CALCRL: variants seen among roughly 807,000 people sequenced by gnomAD.
The protein encoded by CALCRL is calcitonin gene-related peptide type 1 receptor.
Under a neutral mutation model 60.4 loss-of-function variants are expected in CALCRL, and 27 were observed. That is an observed-to-expected ratio of 0.45 (90% CI 0.33 to 0.62). The LOEUF is 0.62. CALCRL is among the 20% of genes least tolerant of loss of function. The probability of loss-of-function intolerance (pLI) is 0.03; values close to 1 mark genes in which losing one functional copy is unlikely to be tolerated. For missense variants in CALCRL, 424 were observed against 540.7 expected, an observed-to-expected ratio of 0.78 and a Z score of 2.14; for synonymous variants, 190 against 182.6, an observed-to-expected ratio of 1.04 and a Z score of -0.33.
At chr2:187,442,073 TATATATATA>T (rs1690931381) in intron 1 of CALCRL, 1 of 3,988 alleles carries the variant, frequency 2.5e-4, no homozygotes, top group Non-Finnish European at 5.8e-4. Context: ...AAAAACATTA[TATATATATA>T]TATATATATA....
chr2:187,383,291 T>G lies in CALCRL; in HGVS notation c.66A>C (p.Ala22=). Residue 22 remains alanine, a synonymous_variant, in exon 5 of 15, where the codon GCA becomes GCC. Transcript: ENST00000392370. Reference sequence around the variant, plus strand: ...AGTCCTCAGGACTCTCTTCTAATTCTGCTGTAACAAGAATCTAAGGGATTA... The same window carrying G: ...AGTCCTCAGGACTCTCTTCTAATTCGGCTGTAACAAGAATCTAAGGGATTA... ...LLPFFMILVT[A]ELEESPEDSI... 6.2e-7 allele frequency: 1 copy of G among 1,600,242 alleles called. No individual in the cohort carries two copies. The highest frequency in any genetic ancestry group is 8.5e-7 in the Non-Finnish European group (1 of 1,175,646).
At chr2:187,414,590 T>G (rs1689516032) in intron 1 of CALCRL, among the ~76,000 whole-genome samples, 1 of 152,152 alleles carries the variant, frequency 6.6e-6, no homozygotes, top group South Asian at 2.1e-4. Flanking sequence ...AGTATATATG[T>G]GAATCTTGGC....
intron 1 of CALCRL, among the ~76,000 whole-genome samples, chr2:187,414,763 T>G (rs1426487459): frequency 6.6e-6 from 1 of 152,090 alleles, no homozygotes; most frequent in East Asian, 1.9e-4. Context: ...AATGTGAAAC[T>G]GGACTAAGAA....
At chr2:187,376,175 C>T (rs1318882913) in intron 8 of CALCRL, among the ~76,000 whole-genome samples, 1 of 152,182 alleles carries the variant, frequency 6.6e-6, no homozygotes, top group Non-Finnish European at 1.5e-5. Context: ...AAGCCATCTA[C>T]TTCAACTTTC....
rs1686232329 is a variant in CALCRL at position 187,345,364 on chromosome 2, A to G, written c.*820T>C. The G allele has an allele frequency of 6.6e-6, 1 of 152,276 alleles. No individual in the cohort carries two copies. Among genetic ancestry groups the G allele is most frequent in the African/African-American group, 2.4e-5 (1 of 41,404 alleles). The allele number at this position is 152,276 out of a possible 1,614,324, so 9.4% of individuals were successfully genotyped here. On this transcript the variant is annotated 3_prime_UTR_variant, in exon 15 of 15. Coordinates refer to ENST00000392370, the MANE Select transcript of CALCRL (RefSeq NM_005795.6). The stretch of plus-strand genomic sequence containing the variant: ...TTGCTAATTTGTTTATACAGTAGAA[A>G]TGGAAGGGACAAAATTTATATTTAC...
intron 1 of CALCRL, among the ~76,000 whole-genome samples, chr2:187,439,248 C>T (rs1408482048): frequency 1.3e-5 from 2 of 152,042 alleles, no homozygotes; most frequent in African/African-American, 4.8e-5. Flanking sequence ...TTTGGGAGGC[C>T]AGACTGGGCG....
intron 8 of CALCRL, among the ~76,000 whole-genome samples, chr2:187,372,825 G>T (rs966974053): frequency 2.0e-5 from 3 of 152,228 alleles, no homozygotes; most frequent in African/African-American, 7.2e-5. Flanking sequence ...ATTGTTTTCA[G>T]GTTAGTTGGA....
At chr2:187,415,303 G>A (rs1438204993) in intron 1 of CALCRL, among the ~76,000 whole-genome samples, 1 of 152,146 alleles carries the variant, frequency 6.6e-6, no homozygotes. Flanking sequence ...AACGGGTTTT[G>A]AAAGAACATT....
intron 1 of CALCRL, among the ~76,000 whole-genome samples, chr2:187,418,531 C>T (rs1350108193): frequency 2.6e-5 from 4 of 151,892 alleles, no homozygotes; most frequent in Non-Finnish European, 5.9e-5. Context: ...TCTTAAATAT[C>T]GACTTCTATT....
chr2:187,398,004 C>A (rs16828975), intron 1 of CALCRL, among the ~76,000 whole-genome samples: 1 of 151,566 alleles, frequency 6.6e-6, no homozygotes, highest in African/African-American at 2.4e-5. Flanking sequence ...TACTTACTCA[C>A]GGGACTGATT....
intron 1 of CALCRL, among the ~76,000 whole-genome samples, chr2:187,422,314 A>G (rs1689910871): frequency 6.6e-6 from 1 of 152,218 alleles, no homozygotes; most frequent in African/African-American, 2.4e-5. Context: ...TGCCAGCTCG[A>G]TGTCTCTAAT....
chr2:187,396,421 T>C (rs1688655659), intron 1 of CALCRL, among the ~76,000 whole-genome samples: 1 of 151,794 alleles, frequency 6.6e-6, no homozygotes, highest in South Asian at 2.1e-4. Flanking sequence ...ACCATCATCA[T>C]TGGAACAGGC....
Position 187,421,844 on chromosome 2 carries a change from T to A in CALCRL, c.-293+26195A>T, listed in dbSNP as rs75198613. 7.0e-3 allele frequency among the ~76,000 whole-genome samples: 1,070 copies of A among 152,300 alleles called. 14 individuals are homozygous for A. The highest frequency in any genetic ancestry group is 0.025 in the African/African-American group (1,023 of 41,562). ...CACCCTTTGAGCCTTTACATTCTCA[T>A]CGTCGCAAGTTGGATCTCCCAAACA... is the stretch of plus-strand genomic sequence containing the variant. On this transcript the variant is annotated intron_variant, in intron 1 of 14. Coordinates refer to ENST00000392370, the MANE Select transcript of CALCRL (RefSeq NM_005795.6).
In CALCRL at chr2:187,366,887, T is replaced by C. The variant is rs1396095879; in HGVS notation, c.501-3385A>G. 2.0e-5 allele frequency among the ~76,000 whole-genome samples: 3 copies of C among 149,002 alleles called. No homozygotes were observed. In the Admixed American group the frequency reaches 2.0e-4, roughly 10 times the overall value. ...AAAAATGAGCTGCTGGTATATATTA[T>C]CTTCCAAAAATGTCATTATTGTGAG... On this transcript the variant is annotated intron_variant, in intron 8 of 14. Transcript: ENST00000392370.
intron 9 of CALCRL, among the ~76,000 whole-genome samples, chr2:187,362,701 C>T (rs1687108930): frequency 6.6e-6 from 1 of 151,894 alleles, no homozygotes; most frequent in Admixed American, 6.6e-5. Context: ...ATGCATATAG[C>T]TTACACAAAA....
intron 8 of CALCRL, among the ~76,000 whole-genome samples, chr2:187,368,221 C>T (rs1687378779): frequency 6.6e-6 from 1 of 151,974 alleles, no homozygotes; most frequent in South Asian, 2.1e-4. Flanking sequence ...ATAAACACTC[C>T]ATGTTAAGTT....
intron 1 of CALCRL, among the ~76,000 whole-genome samples, chr2:187,420,602 ATAT>A (rs1689827465): frequency 6.6e-6 from 1 of 152,194 alleles, no homozygotes; most frequent in Non-Finnish European, 1.5e-5. Context: ...TTGATGGTAA[ATAT>A]TATAATATGA....
chr2:187,437,446 T>G (rs534163713), intron 1 of CALCRL, among the ~76,000 whole-genome samples: 1 of 152,228 alleles, frequency 6.6e-6, no homozygotes, highest in South Asian at 2.1e-4. Flanking sequence ...TTCAAGGCTT[T>G]TATTTATGTA....
intron 8 of CALCRL, among the ~76,000 whole-genome samples, chr2:187,367,873 C>A (rs1024208028): frequency 6.6e-6 from 1 of 151,936 alleles, no homozygotes; most frequent in African/African-American, 2.4e-5. Flanking sequence ...ATTTAAAATG[C>A]CATTTCAACA....
Sources: gnomAD v4.1 joint callset for allele counts (sites outside exome capture counted in the v4.1 genomes callset) on GRCh38, gnomAD v4.1.1 for gene constraint, MANE v1.5 for transcripts, NCBI Gene and HGNC (gene_info 2026-07-23, HGNC 2026-07-21) for gene names.